The following PAK1 variants were observed in gnomAD, a reference collection of about 807,000 sequenced individuals.
The protein encoded by PAK1 is p21 (RAC1) activated kinase 1.
PAK1 carries 29 observed loss-of-function variants against 67.4 expected under a neutral mutation model. The observed-to-expected ratio is 0.43, with a 90% CI of 0.32 to 0.59. The LOEUF is 0.59. PAK1 is among the 20% of genes least tolerant of loss of function. The pLI, the probability that PAK1 is intolerant of heterozygous loss-of-function variation, is 0.07. For missense variants in PAK1, 337 were observed against 670.7 expected, an observed-to-expected ratio of 0.50 and a Z score of 5.50; for synonymous variants, 223 against 237.4, an observed-to-expected ratio of 0.94 and a Z score of 0.56.
At chr11:77,443,252 T>A (rs1476877091) in intron 1 of PAK1, among the ~76,000 whole-genome samples, 1 of 150,390 alleles carries the variant, frequency 6.6e-6, no homozygotes, top group Non-Finnish European at 1.5e-5. Context: ...GAGGCAGAGG[T>A]TGCAGTGAGC....
chr11:77,518,554 G>A, the PAK1 span, among the ~76,000 whole-genome samples: 3 of 152,008 alleles, frequency 2.0e-5, no homozygotes, highest in South Asian at 2.1e-4. Flanking sequence ...CAAACCACTC[G>A]GCACTCTGCT....
the PAK1 span, among the ~76,000 whole-genome samples, chr11:77,520,002 G>C: frequency 2.4e-4 from 37 of 151,190 alleles, no homozygotes; most frequent in South Asian, 6.3e-4. Flanking sequence ...CTGGCCTGTG[G>C]CCCCCCCCTC....
chr11:77,405,224 G>C (rs1036684904), intron 1 of PAK1, among the ~76,000 whole-genome samples: 1 of 152,192 alleles, frequency 6.6e-6, no homozygotes, highest in African/African-American at 2.4e-5. Context: ...TATGGTAAGC[G>C]ACTGGGATCA....
At chr11:77,324,259 G>A (rs886158677) in intron 14 of PAK1, among the ~76,000 whole-genome samples, 2 of 140,876 alleles carry the variant, frequency 1.4e-5, no homozygotes, top group Non-Finnish European at 3.0e-5. Context: ...TGCAACCTCC[G>A]CCTCCTGGGT....
At chr11:77,413,228 ATCACTGGC>A (rs1427187527) in intron 1 of PAK1, among the ~76,000 whole-genome samples, 1 of 152,238 alleles carries the variant, frequency 6.6e-6, no homozygotes, top group African/African-American at 2.4e-5. Context: ...TTTTTAAAAG[ATCACTGGC>A]TGTTCAGTGG....
At position 77,429,078 on chromosome 11, in the gene PAK1, AAAAAAAAAAAAAAAAAC is replaced by A. The variant is rs559686007; in HGVS notation, c.-21-36554_-21-36538del. ...TACTAAAAAAAAAAAAAAAAAAAAA[AAAAAAAAAAAAAAAAAC>A]ACACACACACACATCAGGATTCCTT... On this transcript the variant is annotated intron_variant, in intron 1 of 14. Coordinates refer to ENST00000356341, the MANE Select transcript of PAK1 (RefSeq NM_002576.5). 9.3e-3 allele frequency among the ~76,000 whole-genome samples: 1,151 copies of A among 123,898 alleles called. 53 individuals are homozygous for A. The highest frequency in any genetic ancestry group is 0.04 in the African/African-American group (1,095 of 27,564). 81.3% of individuals were successfully genotyped at this position (123,898 alleles called of 152,430 possible).
chr11:77,457,635 C>T lies in PAK1; in HGVS notation c.-22+15917G>A, dbSNP rs549402290. On this transcript the variant is annotated intron_variant, in intron 1 of 14. Transcript: ENST00000356341. ...CTGAAGCTGTCTAGGTCAGGCATGGCATTTGGTCCCTCTTCATTTCTAAGT... is the reference window on the plus strand; with the variant it reads ...CTGAAGCTGTCTAGGTCAGGCATGGTATTTGGTCCCTCTTCATTTCTAAGT... Among the ~76,000 whole-genome samples, 7 of 152,282 alleles carry T rather than the reference C, an allele frequency of 4.6e-5. No individual in the cohort carries two copies. In the South Asian group the frequency reaches 1.5e-3, roughly 32 times the overall value.
intron 1 of PAK1, among the ~76,000 whole-genome samples, chr11:77,446,426 C>A (rs2041522425): frequency 6.7e-6 from 1 of 148,616 alleles, no homozygotes; most frequent in Non-Finnish European, 1.5e-5. Context: ...CCATGAGAAA[C>A]ACTTGAACCC....
chr11:77,362,119 T>G (rs540854516), intron 5 of PAK1, among the ~76,000 whole-genome samples: 9 of 152,226 alleles, frequency 5.9e-5, no homozygotes, highest in African/African-American at 1.9e-4. Context: ...ATCCACCGGT[T>G]TGGGTTTTCT....
chr11:77,433,985 T>TA (rs1423785770), intron 1 of PAK1, among the ~76,000 whole-genome samples: 1 of 151,878 alleles, frequency 6.6e-6, no homozygotes, highest in African/African-American at 2.4e-5. Context: ...AAAAAGATAG[T>TA]AACAAGTATT....
intron 1 of PAK1, among the ~76,000 whole-genome samples, chr11:77,406,044 T>C (rs866918865): frequency 1.1e-4 from 16 of 152,204 alleles, no homozygotes; most frequent in Admixed American, 1.0e-3. Flanking sequence ...TCTTTCTGTC[T>C]ACTCCTACCT....
intron 14 of PAK1, among the ~76,000 whole-genome samples, chr11:77,329,732 G>GA (rs1210785157): frequency 6.6e-6 from 1 of 151,972 alleles, no homozygotes; most frequent in Non-Finnish European, 1.5e-5. Context: ...ACAAGACAGG[G>GA]ATGCCCTCTC....
At chr11:77,521,468 G>A in the PAK1 span, among the ~76,000 whole-genome samples, 293 of 152,170 alleles carry the variant, frequency 1.9e-3, 4 homozygotes, top group Non-Finnish European at 7.6e-4. Context: ...GGTGGAGGTT[G>A]CTGTGAGCCA....
chr11:77,517,561 G>A, the PAK1 span, among the ~76,000 whole-genome samples: 1 of 152,166 alleles, frequency 6.6e-6, no homozygotes, highest in African/African-American at 2.4e-5. Flanking sequence ...TTGGCACCAG[G>A]GACCGGTTTC....
intron 8 of PAK1, 169 bp from the exon 9 acceptor site, chr11:77,349,456 G>C: frequency 1.6e-6 from 1 of 633,688 alleles, no homozygotes; most frequent in Non-Finnish European, 2.9e-6. Flanking sequence ...ATAAGAGGTA[G>C]TACAGAGAAT....
intron 1 of PAK1, among the ~76,000 whole-genome samples, chr11:77,415,117 T>C (rs930930393): frequency 6.6e-6 from 1 of 152,200 alleles, no homozygotes; most frequent in Non-Finnish European, 1.5e-5. Flanking sequence ...CAAATAAGCA[T>C]ATGAAAAGAT....
At chr11:77,463,348 C>A (rs1005767567) in intron 1 of PAK1, among the ~76,000 whole-genome samples, 2 of 151,948 alleles carry the variant, frequency 1.3e-5, no homozygotes, top group African/African-American at 2.4e-5. Flanking sequence ...TGCACATACT[C>A]CCCTGCCAAT....
At chr11:77,424,491 T>C (rs558063828) in intron 1 of PAK1, among the ~76,000 whole-genome samples, 1 of 152,304 alleles carries the variant, frequency 6.6e-6, no homozygotes, top group Admixed American at 6.5e-5. Flanking sequence ...TATAAAATCT[T>C]ATAACTAACA....
the PAK1 span, among the ~76,000 whole-genome samples, chr11:77,499,899 C>T: frequency 6.6e-6 from 1 of 152,096 alleles, no homozygotes; most frequent in Non-Finnish European, 1.5e-5. Flanking sequence ...ACCCTTTTGA[C>T]CTTCTCTAGC....
Sources: gnomAD v4.1 joint callset for allele counts (sites outside exome capture counted in the v4.1 genomes callset) on GRCh38, gnomAD v4.1.1 for gene constraint, MANE v1.5 for transcripts, NCBI Gene and HGNC (gene_info 2026-07-23, HGNC 2026-07-21) for gene names.